The following LSAMP variants were observed in gnomAD, a reference collection of about 807,000 sequenced individuals.
The protein encoded by LSAMP is limbic system associated membrane protein.
LSAMP carries 7 observed loss-of-function variants against 38.6 expected under a neutral mutation model. The ratio of observed to expected loss-of-function variants is 0.18; its 90% CI spans 0.10 to 0.34. The LOEUF is 0.34. LSAMP is among the 10% of genes least tolerant of loss of function. The pLI is 1.00. For missense variants in LSAMP, 313 were observed against 420.0 expected, an observed-to-expected ratio of 0.75 and a Z score of 2.23; for synonymous variants, 154 against 166.8, an observed-to-expected ratio of 0.92 and a Z score of 0.59.
At chr3:116,351,867 C>T (rs769888007) in intron 1 of LSAMP, among the ~76,000 whole-genome samples, 12 of 152,090 alleles carry the variant, frequency 7.9e-5, no homozygotes, top group Admixed American at 2.0e-4. Context: ...AAGTATATCT[C>T]ATTGCTTCTC....
intron 1 of LSAMP, among the ~76,000 whole-genome samples, chr3:116,251,468 T>C (rs2046684164): frequency 6.6e-6 from 1 of 152,210 alleles, no homozygotes. Context: ...CCCATAACGT[T>C]AATCACAAGC....
intron 1 of LSAMP, among the ~76,000 whole-genome samples, chr3:116,244,827 A>C (rs2046584582): frequency 6.6e-6 from 1 of 152,170 alleles, no homozygotes; most frequent in African/African-American, 2.4e-5. Flanking sequence ...TCAGTAACTG[A>C]ATTTTGTTGA....
intron 2 of LSAMP, among the ~76,000 whole-genome samples, chr3:116,072,152 T>A (rs547355109): frequency 1.3e-5 from 2 of 152,104 alleles, no homozygotes; most frequent in South Asian, 2.1e-4. Flanking sequence ...ATTTTTTGTA[T>A]TTTCAGTAGA....
chr3:116,119,065 C>T (rs1366547528), intron 1 of LSAMP, among the ~76,000 whole-genome samples: 1 of 152,088 alleles, frequency 6.6e-6, no homozygotes, highest in Non-Finnish European at 1.5e-5. Flanking sequence ...ACTATATATT[C>T]TGACATTATA....
intron 1 of LSAMP, among the ~76,000 whole-genome samples, chr3:116,276,670 AAAATAAAAAAAAAG>A (rs918289811): frequency 2.1e-5 from 3 of 141,518 alleles, no homozygotes; most frequent in African/African-American, 8.9e-5. Flanking sequence ...AACCTATGGA[AAAATAAAAAAAAAG>A]AAAAAAAAAA....
intron 3 of LSAMP, among the ~76,000 whole-genome samples, chr3:115,994,888 C>T (rs1261450234): frequency 1.3e-5 from 2 of 151,982 alleles, no homozygotes; most frequent in African/African-American, 4.8e-5. Flanking sequence ...GGGGTGATAA[C>T]CTATCACAGA....
At chr3:115,949,626 G>A (rs1261446841) in intron 3 of LSAMP, among the ~76,000 whole-genome samples, 1 of 151,944 alleles carries the variant, frequency 6.6e-6, no homozygotes, top group Non-Finnish European at 1.5e-5. Flanking sequence ...GGACCAGAGA[G>A]ATTCACACCT....
intron 1 of LSAMP, among the ~76,000 whole-genome samples, chr3:116,297,781 G>A (rs1027394680): frequency 3.9e-5 from 6 of 152,176 alleles, no homozygotes; most frequent in Admixed American, 3.3e-4. Context: ...TAAAATAGGT[G>A]AAAATTATTT....
intron 3 of LSAMP, among the ~76,000 whole-genome samples, chr3:115,854,490 G>A (rs1388655893): frequency 6.6e-6 from 1 of 151,766 alleles, no homozygotes; most frequent in African/African-American, 2.4e-5. Context: ...CACCGTGTTA[G>A]CCAAGATGGT....
intron 1 of LSAMP, among the ~76,000 whole-genome samples, chr3:116,393,428 A>G (rs2048728590): frequency 6.6e-6 from 1 of 152,170 alleles, no homozygotes; most frequent in Admixed American, 6.5e-5. Context: ...TCCCTGAAGC[A>G]ATAGCCAGTG....
intron 3 of LSAMP, among the ~76,000 whole-genome samples, chr3:115,902,637 A>T (rs1226528180): frequency 1.3e-5 from 2 of 152,192 alleles, no homozygotes; most frequent in Admixed American, 6.6e-5. Context: ...AACTTAAAAA[A>T]ATTTATAAGA....
chr3:115,932,665 A>T (rs990547469), intron 3 of LSAMP, among the ~76,000 whole-genome samples: 23 of 152,236 alleles, frequency 1.5e-4, no homozygotes, highest in Non-Finnish European at 2.6e-4. Context: ...AGGAAGAATT[A>T]TAACCCATGG....
At chr3:116,107,223 A>G (rs1328346067) in intron 1 of LSAMP, among the ~76,000 whole-genome samples, 1 of 152,194 alleles carries the variant, frequency 6.6e-6, no homozygotes, top group East Asian at 1.9e-4. Context: ...GCCAGGAACA[A>G]TGGTAATTGT....
At chr3:115,850,561 T>C (rs1935297096) in intron 4 of LSAMP, among the ~76,000 whole-genome samples, 1 of 152,204 alleles carries the variant, frequency 6.6e-6, no homozygotes, top group Non-Finnish European at 1.5e-5. Context: ...CGATCATTAA[T>C]GTGTCTTTGA....
intron 1 of LSAMP, among the ~76,000 whole-genome samples, chr3:116,165,771 C>T (rs1418614073): frequency 6.6e-6 from 1 of 152,152 alleles, no homozygotes; most frequent in African/African-American, 2.4e-5. Flanking sequence ...GTTCTTAATG[C>T]TACAAATATG....
chr3:116,050,213 T>G (rs1271089116), intron 2 of LSAMP, among the ~76,000 whole-genome samples: 5 of 152,112 alleles, frequency 3.3e-5, no homozygotes, highest in Non-Finnish European at 7.4e-5. Context: ...CAAGTCCTAG[T>G]GCTTGTCAGA....
intron 3 of LSAMP, among the ~76,000 whole-genome samples, chr3:115,932,012 G>A (rs993959343): frequency 2.0e-5 from 3 of 152,210 alleles, no homozygotes; most frequent in Admixed American, 2.0e-4. Flanking sequence ...GACTCAAGCA[G>A]TTTACAGTGT....
intron 1 of LSAMP, among the ~76,000 whole-genome samples, chr3:116,098,938 T>C (rs1216159920): frequency 2.0e-5 from 3 of 152,224 alleles, no homozygotes. Context: ...GAACTCAGCC[T>C]ACTCAAACTG....
At chr3:116,417,619 T>C (rs1010515573) in intron 1 of LSAMP, among the ~76,000 whole-genome samples, 3 of 151,950 alleles carry the variant, frequency 2.0e-5, no homozygotes, top group Admixed American at 1.3e-4. Flanking sequence ...AAAACACAAA[T>C]CAGAAATACG....
Sources: allele counts gnomAD v4.1 joint callset (sites outside exome capture counted in the v4.1 genomes callset), GRCh38; gene constraint gnomAD v4.1.1; transcripts MANE v1.5; gene names NCBI Gene and HGNC (gene_info 2026-07-23, HGNC 2026-07-21).